The following DST variants were observed in gnomAD, a reference collection of about 807,000 sequenced individuals.
DST encodes bullous pemphigoid antigen.
DST carries 253 observed loss-of-function variants against 875.2 expected under a neutral mutation model. The observed-to-expected ratio is 0.29, with a 90% CI of 0.26 to 0.32. DST has a LOEUF of 0.32. Ranked by LOEUF, DST falls within the 10% of genes least tolerant of loss-of-function variation. DST has a pLI of 1.00. For synonymous variants in DST, 3,124 were observed against 3,197.1 expected (o/e 0.98, Z 0.77); for missense variants, 8,287 against 9,111.6 (o/e 0.91, Z 3.68).
chr6:56,509,528 C>T (rs941844574), intron 74 of DST, 114 bp downstream of exon 74: 3 of 767,780 alleles, frequency 3.9e-6, no homozygotes, highest in East Asian at 5.4e-5. Flanking sequence ...AAACACATCA[C>T]ATTTGTAGTA....
intron 28 of DST, 37 bp downstream of exon 28, chr6:56,632,817 C>G: frequency 6.3e-7 from 1 of 1,582,916 alleles, no homozygotes; most frequent in Non-Finnish European, 8.7e-7. Context: ...AACTAAACAC[C>G]TATGGGGAAA....
At chr6:56,807,850 T>A (rs2099755015) in intron 4 of DST, among the ~76,000 whole-genome samples, 2 of 152,148 alleles carry the variant, frequency 1.3e-5, no homozygotes, top group South Asian at 4.1e-4. Context: ...ATCAAAAGCA[T>A]GAACCACAAA....
At chr6:56,600,046 G>A (rs1286099585) in intron 45 of DST, 23 bp downstream of exon 45, 1 of 1,601,764 alleles carries the variant, frequency 6.2e-7, no homozygotes, top group Non-Finnish European at 8.5e-7. Flanking sequence ...ACATAGATCT[G>A]CTGATAGAAA....
rs1441759961 is a variant in DST, at chr6:56,887,982, C to T, written c.417+12439G>A. On this transcript the variant is annotated intron_variant, in intron 3 of 103. Coordinates refer to ENST00000680361, the MANE Select transcript of DST (RefSeq NM_001374736.1). Reference sequence around the variant, plus strand: ...TTTTTTTTTTTTTGAGATGGAGTCTCGCTCTGTTACCAGGCTGGAGTGCAG... The same window carrying T: ...TTTTTTTTTTTTTGAGATGGAGTCTTGCTCTGTTACCAGGCTGGAGTGCAG... Among the ~76,000 whole-genome samples, 4 of 147,418 alleles carry T rather than the reference C, an allele frequency of 2.7e-5. No homozygotes were observed. The East Asian group carries it at 6.0e-4, about 22-fold the overall frequency.
intron 2 of DST, among the ~76,000 whole-genome samples, chr6:56,912,217 C>T (rs1309375270): frequency 1.3e-5 from 2 of 152,198 alleles, no homozygotes; most frequent in African/African-American, 4.8e-5. Flanking sequence ...CAGTCTCTGG[C>T]CCTTTGGAAT....
At chr6:56,808,215 T>A (rs552021252) in intron 4 of DST, among the ~76,000 whole-genome samples, 1 of 152,138 alleles carries the variant, frequency 6.6e-6, no homozygotes, top group Non-Finnish European at 1.5e-5. Flanking sequence ...AGTCCACAAC[T>A]GTTTGTTATA....
chr6:56,564,893 CCTTGCTT>C (rs1451304205), intron 55 of DST, among the ~76,000 whole-genome samples: 1 of 152,166 alleles, frequency 6.6e-6, no homozygotes, highest in Non-Finnish European at 1.5e-5. Flanking sequence ...TATGAACCAG[CCTTGCTT>C]CCCAGGGATA....
Position 56,604,221 on chromosome 6 carries a change from A to C in DST, c.10407T>G (p.Thr3469=), listed in dbSNP as rs761854337. Residue 3469 remains threonine (T), a synonymous_variant, in exon 40 of 104, where the codon ACT becomes ACG. Coordinates refer to ENST00000680361, the MANE Select transcript of DST (RefSeq NM_001374736.1). ...TTTTCTCTAGGTCATACTCCATATG[A>C]GTTAATTCTCTCATCAATTCAAATA... ...TGVFELMREL[T]HMEYDLEKRG... is the part of the protein sequence containing the mutation. 1 of 1,608,026 alleles carries C rather than the reference A, an allele frequency of 6.2e-7. No individual in the cohort carries two copies. Among genetic ancestry groups the C allele is most frequent in the Non-Finnish European group, 8.5e-7 (1 of 1,176,672 alleles).
At chr6:56,763,159 A>G (rs575613597) in intron 4 of DST, among the ~76,000 whole-genome samples, 1 of 152,150 alleles carries the variant, frequency 6.6e-6, no homozygotes, top group African/African-American at 2.4e-5. Flanking sequence ...CGAGAACATT[A>G]CCTTTATAGA....
At chr6:56,511,088 A>C (rs2096466105) in intron 73 of DST, 109 bp downstream of exon 73, 4 of 925,928 alleles carry the variant, frequency 4.3e-6, no homozygotes, top group Non-Finnish European at 6.5e-6. Flanking sequence ...TCAAGAGTGA[A>C]TGTGGTGAAA....
At chr6:56,670,482 G>C in intron 10 of DST, 159 bp downstream of exon 10, 1 of 545,682 alleles carries the variant, frequency 1.8e-6, no homozygotes, top group Non-Finnish European at 3.0e-6. Flanking sequence ...TACAGGCATG[G>C]GCCACTGCAC....
rs1291305763 is a variant in DST, at chr6:56,605,303, G to A, written c.9325C>T (p.Leu3109Phe). ...NNEELNQKGSLKKATVTLKDE... is the reference protein window; with the variant it reads ...NNEELNQKGSFKKATVTLKDE... ...TTAAGAGTTACAGTTGCTTTTTTAA[G>A]GCTTCCTTTCTGATTAAGTTCTTCA... Residue 3109 changes from leucine to phenylalanine, a missense_variant, in exon 40 of 104, where the codon CTT (leucine) becomes TTT (phenylalanine). Around this residue, in one of 10 missense-constraint regions of DST, gnomAD observed 3,138 missense variants for 3,116.6 expected, o/e 1.01. Coordinates refer to ENST00000680361, the MANE Select transcript of DST (RefSeq NM_001374736.1). The A allele has an allele frequency of 5.6e-6, 9 of 1,611,214 alleles. No individual in the cohort carries two copies. Among genetic ancestry groups the A allele is most frequent in the Non-Finnish European group, 7.6e-6 (9 of 1,178,610 alleles).
At chr6:56,933,623 T>A (rs191081785) in intron 2 of DST, among the ~76,000 whole-genome samples, 1 of 152,298 alleles carries the variant, frequency 6.6e-6, no homozygotes, top group Admixed American at 6.5e-5. Context: ...TCCTCATTTT[T>A]AAGTAGAAAT....
chr6:56,894,955 G>T (rs1393085131), intron 3 of DST, among the ~76,000 whole-genome samples: 7 of 94,614 alleles, frequency 7.4e-5, no homozygotes, highest in Admixed American at 4.4e-4. Context: ...CTCACCTCCC[G>T]GACGGGGCGG....
intron 9 of DST, among the ~76,000 whole-genome samples, chr6:56,679,791 C>T (rs879886665): frequency 1.3e-5 from 2 of 152,030 alleles, no homozygotes; most frequent in African/African-American, 4.8e-5. Flanking sequence ...TTCTTCACTA[C>T]TTGTCTAAAA....
intron 69 of DST, among the ~76,000 whole-genome samples, chr6:56,524,975 A>C (rs2096772021): frequency 6.6e-6 from 1 of 152,084 alleles, no homozygotes; most frequent in South Asian, 2.1e-4. Context: ...ACACTGACTT[A>C]CTTTCCCCCA....
chr6:56,509,292 G>GT (rs2096413795), intron 74 of DST, among the ~76,000 whole-genome samples: 1 of 152,256 alleles, frequency 6.6e-6, no homozygotes, highest in Non-Finnish European at 1.5e-5. Context: ...CAGGATCCAT[G>GT]CTATGTAAGG....
chr6:56,682,190 T>C (rs2099160251), intron 9 of DST, among the ~76,000 whole-genome samples: 1 of 152,300 alleles, frequency 6.6e-6, no homozygotes, highest in Middle Eastern at 3.4e-3. Flanking sequence ...TGTTTGTTTT[T>C]GAGACAGAGT....
At chr6:56,498,497 G>C (rs947767125) in intron 80 of DST, among the ~76,000 whole-genome samples, 4 of 152,144 alleles carry the variant, frequency 2.6e-5, no homozygotes, top group African/African-American at 9.7e-5. Flanking sequence ...TGTGAGAACA[G>C]TTTGCTAGTT....
Sources: allele counts gnomAD v4.1 joint callset (sites outside exome capture counted in the v4.1 genomes callset), GRCh38; gene constraint gnomAD v4.1.1; regional missense constraint gnomAD v4.1.1; transcripts MANE v1.5; gene names NCBI Gene and HGNC (gene_info 2026-07-23, HGNC 2026-07-21).